Variants in OPLAH observed in about 807,000 individuals in gnomAD.
The protein encoded by OPLAH is 5-oxoprolinase, ATP-hydrolysing.
Under a neutral mutation model 122.8 loss-of-function variants are expected in OPLAH, and 103 were observed. That is an observed-to-expected ratio of 0.84 (90% CI 0.71 to 0.99). The LOEUF (loss-of-function observed/expected upper bound fraction) is 0.99, where lower values mean the gene tolerates loss of function less well. OPLAH is among the 50% of genes least tolerant of loss of function. The pLI is 0.00. For missense variants in OPLAH, 1,902 were observed against 1,836.5 expected, an observed-to-expected ratio of 1.04 and a Z score of -0.65; for synonymous variants, 875 against 796.0, an observed-to-expected ratio of 1.10 and a Z score of -1.67.
rs557679330 is a variant in OPLAH at position 144,052,539 on chromosome 8, G to A, written c.3213C>T (p.Pro1071=). The change falls in exon 23 of 27, where the codon CCC becomes CCT. Residue 1071 remains proline (P), a synonymous_variant. Coordinates refer to ENST00000618853, the MANE Select transcript of OPLAH (RefSeq NM_017570.5). ...CGTTGCCGCCCACCACCGCCGCCTCGGGCGACGGGTCCAGGATGGAGCCTC... is the reference window on the plus strand; with the variant it reads ...CGTTGCCGCCCACCACCGCCGCCTCAGGCGACGGGTCCAGGATGGAGCCTC... ...IPRGSILDPS[P]EAAVVGGNVL... is the part of the protein sequence containing the mutation. 2.5e-6 allele frequency: 4 copies of A among 1,593,988 alleles called. No homozygotes were observed. The highest frequency in any genetic ancestry group is 2.7e-5 in the African/African-American group (2 of 74,910).
chr8:144,058,090 G>A lies in OPLAH; in HGVS notation c.1008C>T (p.Ser336=), dbSNP rs781999502. Residue 336 remains serine, a synonymous_variant, in exon 8 of 27, where the codon AGC becomes AGT. Coordinates refer to ENST00000618853, the MANE Select transcript of OPLAH (RefSeq NM_017570.5). ...GGGCCTGGAGGGTGACGCCAGCTGT[G>A]CTGGCCTCGAAGACGTGCTCGAATT... ...AGEFEHVFEA[S]TAGVTLQAPQ... 5.6e-6 allele frequency: 9 copies of A among 1,612,434 alleles called. No homozygotes were observed. In the East Asian group the frequency reaches 1.3e-4, roughly 24 times the overall value.
At chr8:144,050,598 G>T (rs1399088148), downstream of OPLAH, 25 of 985,578 alleles carry the variant, frequency 2.5e-5, no homozygotes, top group Non-Finnish European at 2.9e-5. Context: ...CTGCCGGCTG[G>T]GCACGCGCCA....
chr8:144,052,536 C>T lies in OPLAH; in HGVS notation c.3216G>A (p.Glu1072=), dbSNP rs1554757945. The T allele has an allele frequency of 1.3e-6, 2 of 1,593,214 alleles. No homozygotes were observed. The highest frequency in any genetic ancestry group is 1.1e-5 in the South Asian group (1 of 89,534). The part of the protein sequence containing the change: ...PRGSILDPSP[E]AAVVGGNVLT... The stretch of plus-strand genomic sequence containing the variant: ...GCACGTTGCCGCCCACCACCGCCGC[C>T]TCGGGCGACGGGTCCAGGATGGAGC... Residue 1072 remains glutamate, a synonymous_variant, in exon 23 of 27, where the codon GAG becomes GAA. Coordinates refer to ENST00000618853, the MANE Select transcript of OPLAH (RefSeq NM_017570.5).
Position 144,058,519 on chromosome 8 carries a change from G to T in OPLAH, c.760C>A (p.Arg254Ser), listed in dbSNP as rs538354138. The T allele has an allele frequency of 6.3e-7, 1 of 1,587,676 alleles. No individual in the cohort carries two copies. Among genetic ancestry groups the T allele is most frequent in the Non-Finnish European group, 8.5e-7 (1 of 1,171,262 alleles). The change falls in exon 6 of 27, where the codon CGT (arginine) becomes AGT (serine). Residue 254 changes from arginine (R) to serine (S), a missense_variant. By Grantham distance (110) the Arg-to-Ser change is moderately radical. Coordinates refer to ENST00000618853, the MANE Select transcript of OPLAH (RefSeq NM_017570.5). The part of the protein sequence containing the change: ...AIQRYVQGFC[R>S]GFQGQLKDVQ... ...ACCTTGAGTTGGCCCTGGAAGCCAC[G>T]GCAGAAGCCCTGCACGTAGCGCTGG... is the stretch of plus-strand genomic sequence containing the variant.
rs1230284178 is a variant in OPLAH, at chr8:144,056,301, C to T, written c.1984-42G>A. 1.9e-6 allele frequency: 3 copies of T among 1,598,012 alleles called. No individual in the cohort carries two copies. The African/African-American group carries it at 4.0e-5, about 21-fold the overall frequency. On this transcript the variant is annotated intron_variant, in intron 14 of 26. Coordinates refer to ENST00000618853, the MANE Select transcript of OPLAH (RefSeq NM_017570.5). The stretch of plus-strand genomic sequence containing the variant: ...TGAGTACAGCGCCCGGGCCCAGCAC[C>T]CTCCCCGATGCCTCTCACAGGGCTT...
At chr8:144,051,664 CCT>C in intron 26 of OPLAH, 63 bp downstream of exon 26, 1 of 1,379,006 alleles carries the variant, frequency 7.3e-7, no homozygotes, top group Non-Finnish European at 1.0e-6. Context: ...AACTGTTCCC[CCT>C]CTGTGGGATG....
intron 11 of OPLAH, 36 bp downstream of exon 11, chr8:144,057,172 A>T (rs909984142): frequency 6.2e-7 from 1 of 1,603,644 alleles, no homozygotes; most frequent in Non-Finnish European, 8.5e-7. Context: ...CCCGGCGCAG[A>T]TCACACCACC....
At position 144,054,864 on chromosome 8, in the gene OPLAH, T is replaced by C. The variant is rs782678182; in HGVS notation, c.2459A>G (p.Asn820Ser). 6.2e-7 allele frequency: 1 copy of C among 1,611,860 alleles called. No individual in the cohort carries two copies. Among genetic ancestry groups the C allele is most frequent in the Non-Finnish European group, 8.5e-7 (1 of 1,179,618 alleles). Residue 820 changes from asparagine (N) to serine (S), a missense_variant, in exon 18 of 27, where the codon AAC becomes AGC. Transcript: ENST00000618853. ...DLHPGDVLLS[N>S]HPSAGGSHLP... ...GTGGCTGCCCCCGGCACTGGGATGG[T>C]TGCTCAGTAGCACGTCGCCAGGGTG...
chr8:144,051,401 C>A lies in OPLAH; in HGVS notation c.3792G>T (p.Gly1264=), dbSNP rs199762879. 3 of 1,599,682 alleles carry A rather than the reference C, an allele frequency of 1.9e-6. No homozygotes were observed. The highest frequency in any genetic ancestry group is 1.7e-4 in the Middle Eastern group (1 of 5,856). The change falls in exon 27 of 27, where the codon GGG becomes GGT. Residue 1264 remains glycine (G), a synonymous_variant. Coordinates refer to ENST00000618853, the MANE Select transcript of OPLAH (RefSeq NM_017570.5). The stretch of plus-strand genomic sequence containing the variant: ...GAAAGGCCAGTGCTTGCGGGGGCGA[C>A]CCCGGCGGTGGGGCGGGGTCCTCCG... ...GDPEDPAPPP[G]SPPQALAFPE...
chr8:144,051,057 C>G (rs781953079), downstream of OPLAH: 1 of 1,311,776 alleles, frequency 7.6e-7, no homozygotes, highest in Non-Finnish European at 9.7e-7. Context: ...CCGCGGAGTT[C>G]CCGGGTGGCT....
At position 144,054,821 on chromosome 8, in the gene OPLAH, A is replaced by T. The variant is rs1564289781; in HGVS notation, c.2502T>A (p.Val834=). 1 of 1,612,252 alleles carries T rather than the reference A, an allele frequency of 6.2e-7. No individual in the cohort carries two copies. The part of the protein sequence containing the change: ...AGGSHLPDLT[V]ITPVFWPGQT... ...GGGCAGCACCCCTCACCGGTGTGAT[A>T]ACAGTCAGGTCTGGCAGGTGGCTGC... The change falls in exon 18 of 27, where the codon GTT becomes GTA. Residue 834 remains valine (V), a synonymous_variant. Coordinates refer to ENST00000618853, the MANE Select transcript of OPLAH (RefSeq NM_017570.5).
Position 144,052,562 on chromosome 8 carries a change from C to G in OPLAH, c.3190G>C (p.Gly1064Arg). Residue 1064 changes from glycine (G) to arginine (R), a missense_variant, in exon 23 of 27, where the codon GGC becomes CGC. By Grantham distance (125) the Gly-to-Arg change is moderately radical. Coordinates refer to ENST00000618853, the MANE Select transcript of OPLAH (RefSeq NM_017570.5). ...LAPVRVVIPR[G>R]SILDPSPEAA... ...TCGGGCGACGGGTCCAGGATGGAGC[C>G]TCGGGGAATGACCACGCGCACTGGC... 1 of 1,597,018 alleles carries G rather than the reference C, an allele frequency of 6.3e-7. No individual in the cohort carries two copies. The highest frequency in any genetic ancestry group is 1.1e-5 in the South Asian group (1 of 90,270).
Position 144,055,882 on chromosome 8 carries a change from G to A in OPLAH, c.2154C>T (p.Cys718=). The A allele has an allele frequency of 6.3e-7, 1 of 1,585,742 alleles. No individual in the cohort carries two copies. The highest frequency in any genetic ancestry group is 8.6e-7 in the Non-Finnish European group (1 of 1,166,414). Residue 718 remains cysteine, a synonymous_variant, in exon 16 of 27, where the codon TGC becomes TGT. Coordinates refer to ENST00000618853, the MANE Select transcript of OPLAH (RefSeq NM_017570.5). This position sits in a 1 kb window ranked among gnomAD's most constrained non-coding sequence, Gnocchi z 6.5. ...QAEVTKTGDI[C]ISVGAEVPGT... ...CGGGGACTTCGGCCCCCACGGAGAT[G>A]CAGATGTCCCCTGTCTTGGTCACCT...
Position 144,056,501 on chromosome 8 carries a change from C to T in OPLAH, c.1867G>A (p.Val623Ile). The change falls in exon 14 of 27, where the codon GTC (valine) becomes ATC (isoleucine). Residue 623 changes from valine (V) to isoleucine (I), a missense_variant. Val to Ile is a conservative substitution (Grantham distance 29). Around this residue, in one of 3 missense-constraint regions of OPLAH, gnomAD observed 1,726 missense variants for 1,642.1 expected, o/e 1.05. Coordinates refer to ENST00000618853, the MANE Select transcript of OPLAH (RefSeq NM_017570.5). ...VERYMREFGF[V>I]IPERPVVVDD... The stretch of plus-strand genomic sequence containing the variant: ...ACGACCACCGGCCGCTCAGGTATGA[C>T]AAAGCCAAACTCCCTCATGTACCTG... The T allele has an allele frequency of 1.2e-6, 2 of 1,611,842 alleles. No individual in the cohort carries two copies. The highest frequency in any genetic ancestry group is 1.7e-6 in the Non-Finnish European group (2 of 1,179,398).
upstream of OPLAH, among the ~76,000 whole-genome samples, chr8:144,062,382 G>T (rs1835678017): frequency 6.6e-6 from 1 of 151,944 alleles, no homozygotes. Context: ...GGACCTCCTA[G>T]TGCCTTCCCA....
chr8:144,052,510 A>C lies in OPLAH; in HGVS notation c.3242T>G (p.Leu1081Arg). The change falls in exon 23 of 27, where the codon CTC (leucine) becomes CGC (arginine). Residue 1081 changes from leucine (L) to arginine (R), a missense_variant. Physicochemically the swap from Leu to Arg is moderately radical, Grantham distance 102. Around this residue, in one of 3 missense-constraint regions of OPLAH, gnomAD observed 1,726 missense variants for 1,642.1 expected, o/e 1.05. Transcript: ENST00000618853. ...GACATCCACCACGCGCTGCGACGTG[A>C]GCACGTTGCCGCCCACCACCGCCGC... ...PEAAVVGGNVLTSQRVVDVIL... is the reference protein window; with the variant it reads ...PEAAVVGGNVRTSQRVVDVIL... 1 of 1,580,138 alleles carries C rather than the reference A, an allele frequency of 6.3e-7. No individual in the cohort carries two copies. The highest frequency in any genetic ancestry group is 8.5e-7 in the Non-Finnish European group (1 of 1,169,972).
At chr8:144,051,508 G>C (rs1181557013) in intron 26 of OPLAH, 36 bp from the exon 27 acceptor site, 2 of 1,445,432 alleles carry the variant, frequency 1.4e-6, no homozygotes, top group Non-Finnish European at 1.8e-6. Context: ...GGCGGGCTCA[G>C]TGCAGGCGTG....
At chr8:144,050,818 C>A, downstream of OPLAH, 1 of 990,170 alleles carries the variant, frequency 1.0e-6, no homozygotes, top group Non-Finnish European at 1.2e-6. Flanking sequence ...CACCTCCGTG[C>A]TCCACCAGTC....
Position 144,051,745 on chromosome 8 carries a change from A to G in OPLAH, c.3704T>C (p.Val1235Ala), listed in dbSNP as rs782670497. The G allele has an allele frequency of 6.2e-7, 1 of 1,604,998 alleles. No homozygotes were observed. The highest frequency in any genetic ancestry group is 8.5e-7 in the Non-Finnish European group (1 of 1,177,834). Reference sequence around the variant, plus strand: ...GGCCCTTACCCCGGGGTACACGGTCACCGACGTCTTGCCGCCCAGATTCAC... The same window carrying G: ...GGCCCTTACCCCGGGGTACACGGTCGCCGACGTCTTGCCGCCCAGATTCAC... ...RTVNLGGKTS[V>A]TVYPGDVFCL... The change falls in exon 26 of 27, where the codon GTG becomes GCG. Residue 1235 changes from valine (V) to alanine (A), a missense_variant. By Grantham distance (64) the Val-to-Ala change is moderately conservative. Transcript: ENST00000618853.
Sources: gnomAD v4.1 joint callset for allele counts (sites outside exome capture counted in the v4.1 genomes callset) on GRCh38, gnomAD v4.1.1 for gene constraint, gnomAD v4.1.1 regional missense constraint, Gnocchi (gnomAD v3.1) non-coding constraint, MANE v1.5 for transcripts, NCBI Gene and HGNC (gene_info 2026-07-23, HGNC 2026-07-21) for gene names.